CNTN6: variants seen among roughly 807,000 people sequenced by gnomAD.
CNTN6 encodes the protein contactin-6.
Under a neutral mutation model 122.8 loss-of-function variants are expected in CNTN6, and 137 were observed. The ratio of observed to expected loss-of-function variants is 1.12; its 90% CI spans 0.97 to 1.29. CNTN6 has a LOEUF of 1.29. Ranked by LOEUF, CNTN6 falls within the 50% of genes most tolerant of loss-of-function variation. The pLI is 0.00. For synonymous variants in CNTN6, 570 were observed against 426.0 expected (o/e 1.34, Z -4.16); for missense variants, 1,634 against 1,223.4 (o/e 1.34, Z -5.01).
intron 7 of CNTN6, among the ~76,000 whole-genome samples, chr3:1,300,281 G>A (rs923093148): frequency 7.9e-5 from 12 of 151,900 alleles, no homozygotes; most frequent in African/African-American, 2.9e-4. Flanking sequence ...CCACTGCGCC[G>A]ACCGCATTCT....
intron 7 of CNTN6, among the ~76,000 whole-genome samples, chr3:1,310,102 A>T (rs1575645917): frequency 6.6e-6 from 1 of 151,102 alleles, no homozygotes; most frequent in African/African-American, 2.4e-5. Context: ...ATCTATATAC[A>T]TTTTTTTTGC....
chr3:1,402,368 C>G lies in CNTN6; in HGVS notation c.2868C>G (p.Asn956Lys). 6.2e-7 allele frequency: 1 copy of G among 1,611,990 alleles called. No homozygotes were observed. Among genetic ancestry groups the G allele is most frequent in the Non-Finnish European group, 8.5e-7 (1 of 1,178,866 alleles). ...GTAAAACTCATATTTTGGAAACAAA[C>G]AATACATCAGCTGAGCTTCTGGTTC... ...RQSKTHILET[N>K]NTSAELLVPF... The change falls in exon 22 of 23, where the codon AAC becomes AAG. Residue 956 changes from asparagine to lysine, a missense_variant. Transcript: ENST00000446702.
intron 8 of CNTN6, among the ~76,000 whole-genome samples, chr3:1,324,757 T>G (rs1454937337): frequency 6.7e-6 from 1 of 149,682 alleles, no homozygotes. Context: ...TCCCTTGGGC[T>G]AACATTCTCA....
chr3:1,389,893 C>G (rs1045150393), intron 20 of CNTN6, among the ~76,000 whole-genome samples: 4 of 151,408 alleles, frequency 2.6e-5, no homozygotes, highest in African/African-American at 7.3e-5. Flanking sequence ...AATACAGGAG[C>G]ACCCAGATTC....
chr3:1,271,541 A>G (rs1281732613), intron 4 of CNTN6, among the ~76,000 whole-genome samples: 3 of 152,172 alleles, frequency 2.0e-5, no homozygotes, highest in African/African-American at 4.8e-5. Context: ...TGGGCGGTGC[A>G]TAGCTCTCTA....
chr3:1,242,640 A>C (rs1306680743), intron 4 of CNTN6, among the ~76,000 whole-genome samples: 2 of 152,166 alleles, frequency 1.3e-5, no homozygotes, highest in East Asian at 3.9e-4. Flanking sequence ...GAGATGTCCC[A>C]TACTTGTGGG....
In CNTN6 at chr3:1,401,547, T is replaced by A; in HGVS notation, c.2817+2T>A. The A allele has an allele frequency of 1.9e-6, 3 of 1,601,152 alleles. No individual in the cohort carries two copies. Among genetic ancestry groups the A allele is most frequent in the Non-Finnish European group, 2.6e-6 (3 of 1,171,192 alleles). On this transcript the variant is annotated splice_donor_variant, in intron 21 of 22. Transcript: ENST00000446702. LOFTEE classifies it high-confidence loss of function. The stretch of plus-strand genomic sequence containing the variant: ...GAGTCTGAAGTTTTGGGGTACAAGG[T>A]GAGTTTTTAGTTTTTCCTTTAATCA...
chr3:1,150,714 C>G (rs2092822281), intron 2 of CNTN6, among the ~76,000 whole-genome samples: 1 of 151,884 alleles, frequency 6.6e-6, no homozygotes, highest in Non-Finnish European at 1.5e-5. Context: ...AATAATGGCC[C>G]CAAAAGATAT....
At chr3:1,354,584 C>T (rs1423111803) in intron 12 of CNTN6, among the ~76,000 whole-genome samples, 1 of 151,248 alleles carries the variant, frequency 6.6e-6, no homozygotes, top group Non-Finnish European at 1.5e-5. Flanking sequence ...CCTTCTAGAA[C>T]AGAAGCATAA....
At chr3:1,368,134 C>T (rs921998434) in intron 12 of CNTN6, among the ~76,000 whole-genome samples, 3 of 152,098 alleles carry the variant, frequency 2.0e-5, no homozygotes, top group African/African-American at 7.2e-5. Context: ...TTATATGATG[C>T]TTTGGGGAAA....
At chr3:1,167,150 A>AAAACAAAC (rs558218816) in intron 2 of CNTN6, among the ~76,000 whole-genome samples, 10 of 152,102 alleles carry the variant, frequency 6.6e-5, no homozygotes, top group Non-Finnish European at 1.5e-4. Flanking sequence ...GAATAAAACA[A>AAAACAAAC]AAACAAACAA....
intron 7 of CNTN6, 52 bp from the exon 8 acceptor site, chr3:1,321,598 G>T (rs1700850472): frequency 2.8e-6 from 4 of 1,426,922 alleles, no homozygotes; most frequent in South Asian, 1.4e-5. Flanking sequence ...CTTTTATTTT[G>T]CTGTCATAAA....
intron 20 of CNTN6, among the ~76,000 whole-genome samples, chr3:1,399,470 G>C (rs1387380034): frequency 6.6e-6 from 1 of 152,042 alleles, no homozygotes; most frequent in African/African-American, 2.4e-5. Flanking sequence ...AAGCTTTCAG[G>C]CCTTTAATTA....
chr3:1,389,680 C>T (rs569942951), intron 20 of CNTN6, among the ~76,000 whole-genome samples: 29 of 151,926 alleles, frequency 1.9e-4, no homozygotes, highest in Admixed American at 5.3e-4. Context: ...ATCTCACGTG[C>T]AGAGACACAC....
At chr3:1,113,733 T>G (rs2091588759) in intron 1 of CNTN6, among the ~76,000 whole-genome samples, 2 of 152,178 alleles carry the variant, frequency 1.3e-5, no homozygotes, top group Admixed American at 1.3e-4. Context: ...AGTTAAATCC[T>G]GATAGAATTC....
At chr3:1,361,905 A>G (rs2126106462) in intron 12 of CNTN6, among the ~76,000 whole-genome samples, 2 of 152,216 alleles carry the variant, frequency 1.3e-5, no homozygotes, top group Middle Eastern at 6.8e-3. Context: ...TCAATTCCTA[A>G]GCAGTATAAA....
intron 20 of CNTN6, among the ~76,000 whole-genome samples, chr3:1,389,159 G>C (rs1186659289): frequency 6.7e-6 from 1 of 148,934 alleles, no homozygotes; most frequent in Admixed American, 6.7e-5. Flanking sequence ...ACGGCAGCCA[G>C]AGAGAAAGGT....
chr3:1,372,451 G>A lies in CNTN6; in HGVS notation c.1645G>A (p.Ala549Thr). The change falls in exon 13 of 23, where the codon GCT becomes ACT. Residue 549 changes from alanine (A) to threonine (T), a missense_variant. By Grantham distance (58) the Ala-to-Thr change is moderately conservative. Transcript: ENST00000446702. ...TGTCATAGACTTAAAAAAAGGAGTG[G>A]CTCATTTTGAAAGGATTGGAGGAGT... ...GDVIDLKKGVAHFERIGGESV... is the reference protein window; with the variant it reads ...GDVIDLKKGVTHFERIGGESV... 2 of 1,610,634 alleles carry A rather than the reference G, an allele frequency of 1.2e-6. No individual in the cohort carries two copies. The highest frequency in any genetic ancestry group is 8.5e-7 in the Non-Finnish European group (1 of 1,178,718).
intron 2 of CNTN6, among the ~76,000 whole-genome samples, chr3:1,167,903 C>G (rs185368514): frequency 6.4e-4 from 97 of 152,244 alleles, no homozygotes; most frequent in Non-Finnish European, 1.0e-3. Flanking sequence ...AAATGTCATT[C>G]TTTTTTTCAT....
Sources: allele counts gnomAD v4.1 joint callset (sites outside exome capture counted in the v4.1 genomes callset), GRCh38; gene constraint gnomAD v4.1.1; transcripts MANE v1.5; gene names NCBI Gene and HGNC (gene_info 2026-07-23, HGNC 2026-07-21).